The following XXYLT1 variants were observed in gnomAD, a reference collection of about 807,000 sequenced individuals.
XXYLT1 encodes xyloside xylosyltransferase 1, also known as UDP-xylose:alpha-xyloside alpha-1,3-xylosyltransferase.
XXYLT1 carries 20 observed loss-of-function variants against 28.9 expected under a neutral mutation model. The ratio of observed to expected loss-of-function variants is 0.69; its 90% CI spans 0.49 to 1.00. The LOEUF (loss-of-function observed/expected upper bound fraction) is 1.00, where lower values mean the gene tolerates loss of function less well. Among genes scored for constraint, XXYLT1 ranks in the 50% least tolerant of loss-of-function variants. XXYLT1 has a pLI of 0.00. For synonymous variants in XXYLT1, 257 were observed against 253.8 expected (o/e 1.01, Z -0.12); for missense variants, 542 against 560.1 (o/e 0.97, Z 0.33).
chr3:195,265,733 C>T (rs913224381), intron 1 of XXYLT1, among the ~76,000 whole-genome samples: 1 of 152,166 alleles, frequency 6.6e-6, no homozygotes, highest in Non-Finnish European at 1.5e-5. Flanking sequence ...GGAGTAAATG[C>T]GACCCAGCAA....
In XXYLT1 at chr3:195,180,630, G is replaced by A; in HGVS notation, c.653-24049C>T. ...CCCGTCTGGCTAAGAGCACCAGACG[G>A]CGGTGGCTGGAGCACCCCGTGCCAC... On this transcript the variant is annotated intron_variant, in intron 2 of 3. Transcript: ENST00000310380. This position sits in a 1 kb window ranked among gnomAD's most constrained non-coding sequence, Gnocchi z 5.8. The A allele has an allele frequency of 1.1e-6, 1 of 876,884 alleles. No individual in the cohort carries two copies. The allele number at this position is 876,884 out of a possible 1,614,324, so 54.3% of individuals were successfully genotyped here.
intron 2 of XXYLT1, among the ~76,000 whole-genome samples, chr3:195,207,880 A>C (rs139213185): frequency 6.6e-6 from 1 of 152,258 alleles, no homozygotes; most frequent in Non-Finnish European, 1.5e-5. Context: ...CTGGCCAGAG[A>C]CATCAGTTCC....
At chr3:195,264,931 C>A (rs776639331) in intron 1 of XXYLT1, among the ~76,000 whole-genome samples, 1 of 152,090 alleles carries the variant, frequency 6.6e-6, no homozygotes, top group Non-Finnish European at 1.5e-5. Context: ...GAGGCACATG[C>A]CTGTAGTTCT....
In XXYLT1 at chr3:195,262,007, GA is replaced by G. The variant is rs1268827999; in HGVS notation, c.504+8547del. Among the ~76,000 whole-genome samples, 23 of 152,346 alleles carry G rather than the reference GA, an allele frequency of 1.5e-4. 1 individual carries two copies. The Middle Eastern group carries it at 0.01, about 68-fold the overall frequency. ...TTCCACTGCTAGGTTATACCCCAGT[GA>G]TGTGACAACATATGTCCACACAAAA... On this transcript the variant is annotated intron_variant, in intron 1 of 3. Coordinates refer to ENST00000310380, the MANE Select transcript of XXYLT1 (RefSeq NM_152531.5).
intron 2 of XXYLT1, among the ~76,000 whole-genome samples, chr3:195,165,365 G>A (rs1721066987): frequency 6.6e-6 from 1 of 152,088 alleles, no homozygotes; most frequent in Non-Finnish European, 1.5e-5. Context: ...CTCCCAGAAA[G>A]GGCAAATAGG....
At chr3:195,213,140 G>A (rs1428937825) in intron 2 of XXYLT1, among the ~76,000 whole-genome samples, 3 of 152,226 alleles carry the variant, frequency 2.0e-5, no homozygotes, top group African/African-American at 7.2e-5. Context: ...GGACAGGAAA[G>A]GCTGGCTGAT....
intron 3 of XXYLT1, among the ~76,000 whole-genome samples, chr3:195,073,389 T>C (rs1337440362): frequency 6.6e-6 from 1 of 152,192 alleles, no homozygotes; most frequent in Non-Finnish European, 1.5e-5. Context: ...GCACTGTCTG[T>C]GGCACGTGCA....
chr3:195,232,351 T>C (rs911448093), intron 1 of XXYLT1, among the ~76,000 whole-genome samples: 2 of 152,150 alleles, frequency 1.3e-5, no homozygotes, highest in African/African-American at 2.4e-5. Context: ...ATTTCATTGA[T>C]CTTTTGTATT....
chr3:195,085,739 T>C (rs1248000840), intron 3 of XXYLT1, among the ~76,000 whole-genome samples: 1 of 152,188 alleles, frequency 6.6e-6, no homozygotes, highest in Non-Finnish European at 1.5e-5. Flanking sequence ...TTCAAAACCG[T>C]CAGGTCGCCA....
At chr3:195,243,878 A>C (rs1210532005) in intron 1 of XXYLT1, among the ~76,000 whole-genome samples, 2 of 152,148 alleles carry the variant, frequency 1.3e-5, no homozygotes, top group Non-Finnish European at 2.9e-5. Flanking sequence ...TAGTAATTGA[A>C]TTTTGTCAGG....
intron 2 of XXYLT1, among the ~76,000 whole-genome samples, chr3:195,222,669 G>A (rs1297361769): frequency 3.3e-5 from 5 of 151,746 alleles, no homozygotes; most frequent in South Asian, 4.2e-4. Context: ...GAAAGTGAAC[G>A]GAGGTTCATC....
rs566021864 is a variant in XXYLT1, at chr3:195,259,621, G to A, written c.504+10934C>T. On this transcript the variant is annotated intron_variant, in intron 1 of 3. Transcript: ENST00000310380. ...CATCTCACCGCGAGGACAGTCGCGTGCGACAGGCCTGTAAGGTGGCATCCG... is the reference window on the plus strand; with the variant it reads ...CATCTCACCGCGAGGACAGTCGCGTACGACAGGCCTGTAAGGTGGCATCCG... 5.1e-6 allele frequency: 5 copies of A among 985,368 alleles called. 1 individual carries two copies. The highest frequency in any genetic ancestry group is 9.4e-5 in the South Asian group (2 of 21,294). The allele number at this position is 985,368 out of a possible 1,614,324, so 61.0% of individuals were successfully genotyped here.
chr3:195,240,629 C>G lies in XXYLT1; in HGVS notation c.505-13773G>C. 6.6e-6 allele frequency among the ~76,000 whole-genome samples: 1 copy of G among 152,382 alleles called. No homozygotes were observed. The highest frequency in any genetic ancestry group is 1.5e-5 in the Non-Finnish European group (1 of 68,038). On this transcript the variant is annotated intron_variant, in intron 1 of 3. Transcript: ENST00000310380. The surrounding 1 kb of genome is among the most constrained non-coding windows in gnomAD (Gnocchi z 4.7). ...GAACAGCCACTCCTCTGGCCACAGACAGCAACGCCACAGGTCGGCCGGAGG... is the reference window on the plus strand; with the variant it reads ...GAACAGCCACTCCTCTGGCCACAGAGAGCAACGCCACAGGTCGGCCGGAGG...
chr3:195,160,724 G>A (rs113724769), intron 2 of XXYLT1, among the ~76,000 whole-genome samples: 11 of 152,320 alleles, frequency 7.2e-5, no homozygotes, highest in African/African-American at 2.4e-4. Flanking sequence ...GGACAGGCAC[G>A]GTCCCCCTGT....
intron 1 of XXYLT1, among the ~76,000 whole-genome samples, chr3:195,254,842 G>T (rs151056749): frequency 1.3e-5 from 2 of 152,324 alleles, no homozygotes; most frequent in East Asian, 3.9e-4. Context: ...AATGTTTTGG[G>T]GCAGGTGATA....
At chr3:195,233,275 G>A (rs1038037109) in intron 1 of XXYLT1, among the ~76,000 whole-genome samples, 1 of 151,992 alleles carries the variant, frequency 6.6e-6, no homozygotes, top group South Asian at 2.1e-4. Flanking sequence ...AATGAAGTGT[G>A]TTTCCTGTAG....
chr3:195,244,761 C>CA (rs869207427), intron 1 of XXYLT1, among the ~76,000 whole-genome samples: 1,469 of 26,270 alleles, frequency 0.056, 162 homozygotes, highest in African/African-American at 0.13. Context: ...GACTCTGTCT[C>CA]AAAAAAAAAA....
At chr3:195,172,683 G>A (rs965853866) in intron 2 of XXYLT1, among the ~76,000 whole-genome samples, 1 of 152,184 alleles carries the variant, frequency 6.6e-6, no homozygotes, top group Non-Finnish European at 1.5e-5. Flanking sequence ...AAGTGTTTCG[G>A]AGAAAATAAA....
At chr3:195,187,695 T>G (rs1216657181) in intron 2 of XXYLT1, among the ~76,000 whole-genome samples, 1 of 152,222 alleles carries the variant, frequency 6.6e-6, no homozygotes. Flanking sequence ...CCCAGTTGAT[T>G]GAAACTTTTT....
Sources: allele counts gnomAD v4.1 joint callset (sites outside exome capture counted in the v4.1 genomes callset), GRCh38; gene constraint gnomAD v4.1.1; non-coding constraint Gnocchi (gnomAD v3.1); transcripts MANE v1.5; gene names NCBI Gene and HGNC (gene_info 2026-07-23, HGNC 2026-07-21).